The following GIGYF2 variants were observed in gnomAD, a reference collection of about 807,000 sequenced individuals.
GIGYF2 encodes the protein GRB10-interacting GYF protein 2.
Under a neutral mutation model 208.1 loss-of-function variants are expected in GIGYF2, and 25 were observed. That is an observed-to-expected ratio of 0.12 (90% CI 0.09 to 0.17). The LOEUF (loss-of-function observed/expected upper bound fraction) is 0.17, where lower values mean the gene tolerates loss of function less well. Among genes scored for constraint, GIGYF2 ranks in the 10% least tolerant of loss-of-function variants. GIGYF2 has a pLI of 1.00. For synonymous variants in GIGYF2, 534 were observed against 543.8 expected (o/e 0.98, Z 0.25); for missense variants, 1,302 against 1,579.4 (o/e 0.82, Z 2.98).
intron 3 of GIGYF2, among the ~76,000 whole-genome samples, chr2:232,739,219 G>T (rs995078936): frequency 6.6e-6 from 1 of 151,930 alleles, no homozygotes; most frequent in Non-Finnish European, 1.5e-5. Flanking sequence ...TTAGCCGGGC[G>T]TGGTGGATTG....
chr2:232,806,702 A>G lies in GIGYF2; in HGVS notation c.1806+45A>G, dbSNP rs763452177. On this transcript the variant is annotated intron_variant, in intron 15 of 28. Coordinates refer to ENST00000373563, the MANE Select transcript of GIGYF2 (RefSeq NM_001103146.3). The surrounding 1 kb of genome is among the most constrained non-coding windows in gnomAD (Gnocchi z 4.0). ...CCTGGAATACATATTAGTCACGGAA[A>G]CACTTGATTCTCTTTGAAAACACAA... 11 of 1,329,486 alleles carry G rather than the reference A, an allele frequency of 8.3e-6. 1 individual carries two copies. In the South Asian group the frequency reaches 1.3e-4, roughly 16 times the overall value. The allele number at this position is 1,329,486 out of a possible 1,614,324, so 82.4% of individuals were successfully genotyped here.
intron 1 of GIGYF2, among the ~76,000 whole-genome samples, chr2:232,702,561 A>T (rs1409922338): frequency 6.6e-6 from 1 of 152,092 alleles, no homozygotes; most frequent in Non-Finnish European, 1.5e-5. Flanking sequence ...GCATCATTTG[A>T]TTTTAGCCAA....
At chr2:232,754,033 C>G (rs1333516015) in intron 5 of GIGYF2, among the ~76,000 whole-genome samples, 1 of 152,072 alleles carries the variant, frequency 6.6e-6, no homozygotes, top group African/African-American at 2.4e-5. Flanking sequence ...GGCATGGTGG[C>G]ATGCGCCTGT....
At chr2:232,823,684 C>CT (rs1158041422) in intron 21 of GIGYF2, among the ~76,000 whole-genome samples, 1 of 152,074 alleles carries the variant, frequency 6.6e-6, no homozygotes. Context: ...CTTTTGTCCC[C>CT]TTTTGGTGTT....
At chr2:232,808,977 C>T (rs1012323549) in intron 15 of GIGYF2, among the ~76,000 whole-genome samples, 11 of 152,056 alleles carry the variant, frequency 7.2e-5, no homozygotes, top group Non-Finnish European at 1.6e-4. Context: ...CGGAGTCTTG[C>T]TCTGTCACCC....
chr2:232,825,464 A>G (rs1701218234), intron 21 of GIGYF2, among the ~76,000 whole-genome samples: 1 of 152,214 alleles, frequency 6.6e-6, no homozygotes, highest in Non-Finnish European at 1.5e-5. Flanking sequence ...TGTGGTGGAA[A>G]TAGCAAGAGA....
chr2:232,742,975 A>G (rs748345065), intron 3 of GIGYF2, among the ~76,000 whole-genome samples: 5 of 152,196 alleles, frequency 3.3e-5, no homozygotes, highest in Non-Finnish European at 7.3e-5. Context: ...ACAAGCTTAC[A>G]TAGAAGTGCC....
At position 232,768,811 on chromosome 2, in the gene GIGYF2, C is replaced by T. The variant is rs1574857117; in HGVS notation, c.532+7375C>T. On this transcript the variant is annotated intron_variant, in intron 8 of 28. Coordinates refer to ENST00000373563, the MANE Select transcript of GIGYF2 (RefSeq NM_001103146.3). ...GGCCGGGCAATCTTCGCCACAAAAG[C>T]ACCTAAATAAGAAATTATTGATTTT... is the stretch of plus-strand genomic sequence containing the variant. The T allele has an allele frequency of 6.2e-7, 1 of 1,602,138 alleles. No homozygotes were observed. Among genetic ancestry groups the T allele is most frequent in the Non-Finnish European group, 8.5e-7 (1 of 1,172,646 alleles).
rs773795499 is a variant in GIGYF2, at chr2:232,806,650, C to T, written c.1799C>T (p.Pro600Leu). 1 of 1,608,840 alleles carries T rather than the reference C, an allele frequency of 6.2e-7. No individual in the cohort carries two copies. The highest frequency in any genetic ancestry group is 1.1e-5 in the South Asian group (1 of 90,966). ...TTTTCTCCAGGTCCAGCTCCCCCTC[C>T]TCATATGGTAAGTACCTTTCACCTC... ...VPFSPGPAPP[P>L]HMGELDQERL... The change falls in exon 15 of 29, where the codon CCT (proline) becomes CTT (leucine). Residue 600 changes from proline (P) to leucine (L), a missense_variant. Pro to Leu is a moderately conservative substitution (Grantham distance 98). This residue lies in a region of GIGYF2 where 701 missense variants were observed against 793.0 expected (regional missense o/e 0.88). Transcript: ENST00000373563. The surrounding 1 kb of genome is among the most constrained non-coding windows in gnomAD (Gnocchi z 4.0).
rs1249519369 is a variant in GIGYF2 at position 232,836,294 on chromosome 2, A to AC, written c.2766+3201_2766+3202insC. Among the ~76,000 whole-genome samples, 64 of 25,572 alleles carry AC rather than the reference A, an allele frequency of 2.5e-3. 5 individuals carry two copies. Among genetic ancestry groups the AC allele is most frequent in the Admixed American group, 4.2e-3 (7 of 1,662 alleles). The allele number at this position is 25,572 out of a possible 152,430, so 16.8% of individuals were successfully genotyped here. A position where few individuals can be genotyped will look rare whatever the true frequency, so the allele number is the denominator to read the frequency against. ...TATATATATATATATATATATATAT[A>AC]TATATATATATATATATATATATAT... On this transcript the variant is annotated intron_variant, in intron 22 of 28. Coordinates refer to ENST00000373563, the MANE Select transcript of GIGYF2 (RefSeq NM_001103146.3).
rs752868589 is a variant in GIGYF2 at position 232,844,114 on chromosome 2, C to T, written c.2958C>T (p.Leu986=). The change falls in exon 24 of 29, where the codon CTC becomes CTT. Residue 986 remains leucine, a synonymous_variant. Transcript: ENST00000373563. ...AGCAGCAACAGCAACAGCAGAAACT[C>T]TCAGGTTGGGGGAATGTCAGCAAAC... ...QQQQQQQQQK[L]SGWGNVSKPS... is the part of the protein sequence containing the mutation. 1.2e-6 allele frequency: 2 copies of T among 1,600,546 alleles called. No homozygotes were observed. Among genetic ancestry groups the T allele is most frequent in the Middle Eastern group, 1.7e-4 (1 of 6,040 alleles).
At chr2:232,802,577 A>G (rs1337007850) in intron 14 of GIGYF2, among the ~76,000 whole-genome samples, 1 of 152,162 alleles carries the variant, frequency 6.6e-6, no homozygotes, top group Non-Finnish European at 1.5e-5. Flanking sequence ...CTTGCATTCT[A>G]GGAATAAATA....
chr2:232,702,669 G>A (rs1175471370), intron 1 of GIGYF2, among the ~76,000 whole-genome samples: 1 of 152,198 alleles, frequency 6.6e-6, no homozygotes, highest in East Asian at 1.9e-4. Flanking sequence ...GAGCATTAAA[G>A]GCAGGTTGTG....
chr2:232,817,990 G>A (rs913082275), intron 20 of GIGYF2, among the ~76,000 whole-genome samples: 8 of 152,094 alleles, frequency 5.3e-5, no homozygotes, highest in African/African-American at 1.4e-4. Flanking sequence ...TACTGACAAG[G>A]CACAGCTGTT....
chr2:232,709,069 C>T, intron 2 of GIGYF2, among the ~76,000 whole-genome samples: 1 of 151,610 alleles, frequency 6.6e-6, no homozygotes, highest in East Asian at 1.9e-4. Flanking sequence ...TTGCAGTGAG[C>T]TGAGGTTGCA....
intron 28 of GIGYF2, among the ~76,000 whole-genome samples, chr2:232,852,317 G>A (rs1407023766): frequency 6.6e-6 from 1 of 152,214 alleles, no homozygotes; most frequent in African/African-American, 2.4e-5. Context: ...AGGCTGAGGC[G>A]GGTGGATCGC....
intron 1 of GIGYF2, among the ~76,000 whole-genome samples, chr2:232,701,185 T>A (rs1440899010): frequency 6.6e-6 from 1 of 152,060 alleles, no homozygotes; most frequent in Non-Finnish European, 1.5e-5. Flanking sequence ...TTCAAAGTAT[T>A]ACATACTTCC....
rs1251794247 is a variant in GIGYF2 at position 232,794,771 on chromosome 2, C to G, written c.1306C>G (p.Pro436Ala). The G allele has an allele frequency of 6.2e-7, 1 of 1,613,674 alleles. No individual in the cohort carries two copies. Among genetic ancestry groups the G allele is most frequent in the Non-Finnish European group, 8.5e-7 (1 of 1,179,640 alleles). ...AGAAATGGTTGCTGATGTCCAGCAG[C>G]CCCTGTCGCAGATTCCTTCAGATAC... Reference protein sequence around the residue: ...GDEMVADVQQPLSQIPSDTAS... With the variant: ...GDEMVADVQQALSQIPSDTAS... Residue 436 changes from proline to alanine, a missense_variant, in exon 13 of 29, where the codon CCC becomes GCC. Coordinates refer to ENST00000373563, the MANE Select transcript of GIGYF2 (RefSeq NM_001103146.3).
chr2:232,791,988 C>T (rs980209380), intron 12 of GIGYF2, among the ~76,000 whole-genome samples: 6 of 152,088 alleles, frequency 3.9e-5, no homozygotes, highest in African/African-American at 1.4e-4. Context: ...TCTTCTTGTA[C>T]GTATTTAAAA....
Sources: allele counts gnomAD v4.1 joint callset (sites outside exome capture counted in the v4.1 genomes callset), GRCh38; gene constraint gnomAD v4.1.1; regional missense constraint gnomAD v4.1.1; non-coding constraint Gnocchi (gnomAD v3.1); transcripts MANE v1.5; gene names NCBI Gene and HGNC (gene_info 2026-07-23, HGNC 2026-07-21).